Variants in AASDH observed in about 807,000 individuals in gnomAD.
AASDH encodes the protein aminoadipate-semialdehyde dehydrogenase.
AASDH carries 81 observed loss-of-function variants against 102.3 expected under a neutral mutation model. The ratio of observed to expected loss-of-function variants is 0.79; its 90% CI spans 0.66 to 0.95. AASDH has a LOEUF of 0.95. AASDH is among the 40% of genes least tolerant of loss of function. The probability of loss-of-function intolerance (pLI) is 0.00; values close to 1 mark genes in which losing one functional copy is unlikely to be tolerated. For synonymous variants in AASDH, 398 were observed against 454.0 expected (o/e 0.88, Z 1.57); for missense variants, 1,203 against 1,266.2 (o/e 0.95, Z 0.76).
chr4:56,383,730 T>C (rs1753239046), intron 2 of AASDH, among the ~76,000 whole-genome samples: 2 of 152,204 alleles, frequency 1.3e-5, no homozygotes, highest in South Asian at 4.1e-4. Context: ...AACATAGTCA[T>C]GTTATCTGTG....
At chr4:56,355,706 C>T (rs1195512016) in intron 5 of AASDH, among the ~76,000 whole-genome samples, 1 of 150,274 alleles carries the variant, frequency 6.7e-6, no homozygotes, top group East Asian at 2.0e-4. Context: ...GCAGCCTCAA[C>T]CTCCCAGGCC....
intron 3 of AASDH, among the ~76,000 whole-genome samples, chr4:56,380,457 T>C (rs1259753965): frequency 6.6e-6 from 1 of 152,168 alleles, no homozygotes; most frequent in Non-Finnish European, 1.5e-5. Context: ...GTTTAATGTG[T>C]GTATGTATTG....
In AASDH at chr4:56,371,548, C is replaced by T. The variant is rs1420555387; in HGVS notation, c.764G>A (p.Ser255Asn). ...SVVEIFLALS[S>N]GASLLIVPTS... The stretch of plus-strand genomic sequence containing the variant: ...TGGTACAATAAGCAGAGAGGCACCA[C>T]TTGATAGAGCAAGAAATATTTCCAC... Residue 255 changes from serine to asparagine, a missense_variant, in exon 5 of 15, where the codon AGT (serine) becomes AAT (asparagine). Coordinates refer to ENST00000205214, the MANE Select transcript of AASDH (RefSeq NM_181806.4). The T allele has an allele frequency of 6.2e-7, 1 of 1,613,118 alleles. No individual in the cohort carries two copies. Among genetic ancestry groups the T allele is most frequent in the Non-Finnish European group, 8.5e-7 (1 of 1,179,892 alleles).
In AASDH at chr4:56,378,758, CTG is replaced by C. The variant is rs34027268; in HGVS notation, c.352-296_352-295del. Among the ~76,000 whole-genome samples the C allele has an allele frequency of 7.1e-3, 1,031 of 144,360 alleles. 14 individuals carry two copies. The highest frequency in any genetic ancestry group is 0.025 in the African/African-American group (975 of 39,280). The allele number at this position is 144,360 out of a possible 152,430, so 94.7% of individuals were successfully genotyped here. On this transcript the variant is annotated intron_variant, in intron 3 of 14. Transcript: ENST00000205214. Reference sequence around the variant, plus strand: ...GTAAATAGTTGCTATATTTTTAAATCTGTATTAGTTTTTACTGTTGCACTGGG... The same window carrying C: ...GTAAATAGTTGCTATATTTTTAAATCTATTAGTTTTTACTGTTGCACTGGG...
At chr4:56,369,123 T>G (rs1009636609) in intron 5 of AASDH, among the ~76,000 whole-genome samples, 4 of 152,202 alleles carry the variant, frequency 2.6e-5, no homozygotes, top group Non-Finnish European at 4.4e-5. Flanking sequence ...TTTGTCATGT[T>G]CTTGGAAAAG....
At chr4:56,379,834 C>T (rs1344149660) in intron 3 of AASDH, among the ~76,000 whole-genome samples, 1 of 152,046 alleles carries the variant, frequency 6.6e-6, no homozygotes, top group Non-Finnish European at 1.5e-5. Context: ...GGTATGTGAA[C>T]ATTAAGCCTT....
At chr4:56,345,403 G>T in intron 11 of AASDH, 113 bp from the exon 12 acceptor site, 1 of 976,712 alleles carries the variant, frequency 1.0e-6, no homozygotes, top group Non-Finnish European at 1.5e-6. Context: ...TAGGCTCTAT[G>T]ATAAGCTCAT....
chr4:56,342,995 T>C (rs776120263), intron 13 of AASDH, 29 bp from the exon 14 acceptor site: 1 of 1,535,280 alleles, frequency 6.5e-7, no homozygotes, highest in Non-Finnish European at 8.8e-7. Flanking sequence ...ATTCACAGCA[T>C]TTTATGTCAT....
At chr4:56,374,967 T>G (rs1752180196) in intron 4 of AASDH, among the ~76,000 whole-genome samples, 1 of 152,240 alleles carries the variant, frequency 6.6e-6, no homozygotes, top group African/African-American at 2.4e-5. Context: ...CTATCTAAAT[T>G]AGATTTCAAA....
At chr4:56,358,926 G>T (rs1242436095) in intron 5 of AASDH, among the ~76,000 whole-genome samples, 1 of 152,184 alleles carries the variant, frequency 6.6e-6, no homozygotes, top group Non-Finnish European at 1.5e-5. Context: ...CAACCATTGA[G>T]TTGTCTACTT....
rs184936827 is a variant in AASDH at position 56,354,804 on chromosome 4, A to G, written c.1111T>C (p.Leu371=). ...AGTGGAAATCCCAGTTGTACAGGCA[A>G]TTCACATCTATGAAAATAAGATACA... ...KTLNSTLKCE[L]PVQLGFPLLG... The change falls in exon 7 of 15, where the codon TTG becomes CTG. Residue 371 remains leucine, a synonymous_variant. Transcript: ENST00000205214. 1 of 1,598,222 alleles carries G rather than the reference A, an allele frequency of 6.3e-7. No individual in the cohort carries two copies. Among genetic ancestry groups the G allele is most frequent in the East Asian group, 2.2e-5 (1 of 44,610 alleles).
chr4:56,368,080 AAAG>A (rs1226664759), intron 5 of AASDH, among the ~76,000 whole-genome samples: 1 of 152,244 alleles, frequency 6.6e-6, no homozygotes, highest in Non-Finnish European at 1.5e-5. Context: ...ACACTTCTCA[AAAG>A]AAGACATTTA....
intron 4 of AASDH, among the ~76,000 whole-genome samples, chr4:56,372,784 C>T (rs1751895820): frequency 6.6e-6 from 1 of 152,176 alleles, no homozygotes; most frequent in Admixed American, 6.5e-5. Flanking sequence ...AACAGAAAAG[C>T]ATGACAAATT....
intron 2 of AASDH, 65 bp from the exon 3 acceptor site, chr4:56,382,662 T>C: frequency 2.0e-6 from 3 of 1,525,538 alleles, no homozygotes; most frequent in Non-Finnish European, 2.7e-6. Flanking sequence ...TAAGCATTTC[T>C]ATTTCTCTAT....
At chr4:56,345,567 T>C (rs1748236092) in intron 11 of AASDH, among the ~76,000 whole-genome samples, 2 of 152,188 alleles carry the variant, frequency 1.3e-5, no homozygotes, top group Admixed American at 6.5e-5. Flanking sequence ...GAAAAAATAA[T>C]AAAGTACACT....
intron 4 of AASDH, among the ~76,000 whole-genome samples, chr4:56,377,416 T>C (rs1042514603): frequency 6.6e-6 from 1 of 152,204 alleles, no homozygotes; most frequent in African/African-American, 2.4e-5. Context: ...TTTTAATGGT[T>C]CCCCATCATC....
intron 14 of AASDH, among the ~76,000 whole-genome samples, chr4:56,341,194 C>A (rs921064040): frequency 6.6e-6 from 1 of 152,108 alleles, no homozygotes; most frequent in Non-Finnish European, 1.5e-5. Context: ...AAGAGACAAC[C>A]TGCACTCCCA....
At chr4:56,355,563 G>A (rs1351827817) in intron 5 of AASDH, 140 bp from the exon 6 acceptor site, 6 of 619,108 alleles carry the variant, frequency 9.7e-6, no homozygotes, top group East Asian at 7.0e-5. Flanking sequence ...AATCCCATTT[G>A]GAAAACTACT....
intron 11 of AASDH, chr4:56,349,062 T>C: frequency 1.7e-6 from 1 of 598,304 alleles, no homozygotes; most frequent in South Asian, 2.2e-5. Flanking sequence ...ACAGAGTTCA[T>C]AATAGCTATA....
Sources: gnomAD v4.1 joint callset for allele counts (sites outside exome capture counted in the v4.1 genomes callset) on GRCh38, gnomAD v4.1.1 for gene constraint, MANE v1.5 for transcripts, NCBI Gene and HGNC (gene_info 2026-07-23, HGNC 2026-07-21) for gene names.